Variants in ATG14 observed in about 807,000 individuals in gnomAD.
The protein encoded by ATG14 is autophagy related 14.
In ATG14, 35 loss-of-function variants were observed where a neutral mutation model predicts 60.4. The observed-to-expected ratio is 0.58, with a 90% CI of 0.44 to 0.77. ATG14 has a LOEUF of 0.77. ATG14 is among the 30% of genes least tolerant of loss of function. The pLI is 0.00. For synonymous variants in ATG14, 234 were observed against 228.8 expected (o/e 1.02, Z -0.21); for missense variants, 647 against 626.3 (o/e 1.03, Z -0.35).
At chr14:55,404,657 A>C (rs1885460994) in intron 1 of ATG14, among the ~76,000 whole-genome samples, 1 of 152,210 alleles carries the variant, frequency 6.6e-6, no homozygotes, top group African/African-American at 2.4e-5. Flanking sequence ...GGCAGGGTGT[A>C]CAGGTGGGGG....
At chr14:55,397,311 A>T in intron 2 of ATG14, 61 bp downstream of exon 2, 1 of 1,402,156 alleles carries the variant, frequency 7.1e-7, no homozygotes, top group Non-Finnish European at 1.0e-6. Context: ...CACAGCACTG[A>T]ATTCAACCAA....
intron 4 of ATG14, among the ~76,000 whole-genome samples, chr14:55,387,467 C>T (rs926525462): frequency 6.6e-6 from 1 of 152,136 alleles, no homozygotes; most frequent in Non-Finnish European, 1.5e-5. Flanking sequence ...TTTTGCTCTT[C>T]GGAACCCTAT....
chr14:55,393,852 GAT>G (rs1885266197), intron 3 of ATG14, among the ~76,000 whole-genome samples: 1 of 151,512 alleles, frequency 6.6e-6, no homozygotes, highest in Admixed American at 6.6e-5. Flanking sequence ...ACCCAGCGCA[GAT>G]TTTATAAGAG....
chr14:55,372,295 TCC>T (rs1884837332), intron 9 of ATG14, among the ~76,000 whole-genome samples: 1 of 137,630 alleles, frequency 7.3e-6, no homozygotes, highest in African/African-American at 2.5e-5. Flanking sequence ...ACCACCACTT[TCC>T]CATCTGCCTC....
At chr14:55,370,896 C>G (rs1884801494) in intron 9 of ATG14, among the ~76,000 whole-genome samples, 1 of 152,178 alleles carries the variant, frequency 6.6e-6, no homozygotes. Flanking sequence ...CCACCCCTGC[C>G]TCTCAAAACG....
chr14:55,369,153 A>G lies in ATG14; in HGVS notation c.*466T>C, dbSNP rs554586111. The G allele has an allele frequency of 1.3e-5, 2 of 152,944 alleles. No homozygotes were observed. Among genetic ancestry groups the G allele is most frequent in the East Asian group, 3.9e-4 (2 of 5,174 alleles). 9.5% of individuals were successfully genotyped at this position (152,944 alleles called of 1,614,324 possible). ...TCATACAAAAAACAATGGCAGAAAA[A>G]CTCTTATTAAAGAGCTTTTATCTTT... On this transcript the variant is annotated 3_prime_UTR_variant, in exon 10 of 10. Coordinates refer to ENST00000247178, the MANE Select transcript of ATG14 (RefSeq NM_014924.5).
chr14:55,391,626 A>G (rs1384044926), intron 3 of ATG14, among the ~76,000 whole-genome samples: 2 of 152,168 alleles, frequency 1.3e-5, no homozygotes, highest in Non-Finnish European at 2.9e-5. Flanking sequence ...TTAAAACTCA[A>G]TTTAAATCAT....
intron 9 of ATG14, among the ~76,000 whole-genome samples, chr14:55,370,998 C>A (rs1884804415): frequency 6.6e-6 from 1 of 152,114 alleles, no homozygotes; most frequent in Non-Finnish European, 1.5e-5. Context: ...TGCTCCAGGG[C>A]AGCCAGGCTG....
chr14:55,398,048 C>T (rs752296161), intron 1 of ATG14, among the ~76,000 whole-genome samples: 1 of 150,262 alleles, frequency 6.7e-6, no homozygotes, highest in Non-Finnish European at 1.5e-5. Flanking sequence ...CCTGGGCTCA[C>T]GCCATTCTCC....
chr14:55,372,810 C>A (rs939042520), intron 9 of ATG14, among the ~76,000 whole-genome samples: 14 of 152,114 alleles, frequency 9.2e-5, no homozygotes. Flanking sequence ...AGGAGACAGG[C>A]AGAAGGGACA....
chr14:55,375,490 A>AAAT (rs1555341540), intron 9 of ATG14, among the ~76,000 whole-genome samples: 1 of 117,798 alleles, frequency 8.5e-6, no homozygotes, highest in Non-Finnish European at 1.7e-5. Flanking sequence ...GCCGGGCTAA[A>AAAT]TTTTTTTTTT....
intron 1 of ATG14, among the ~76,000 whole-genome samples, chr14:55,400,909 T>TAAATA (rs201067140): frequency 0.066 from 9,414 of 143,280 alleles, 432 homozygotes; most frequent in East Asian, 0.14. Context: ...CTCAAATAAA[T>TAAATA]AAATAAAATA....
At position 55,411,552 on chromosome 14, in the gene ATG14, C is replaced by G. The variant is rs1885572196; in HGVS notation, c.221+50G>C. Reference sequence around the variant, plus strand: ...CAGGTTCCAGCCTTCGGCTGCCTGGCTGGAGGACACACAGCAGAAGAAACA... The same window carrying G: ...CAGGTTCCAGCCTTCGGCTGCCTGGGTGGAGGACACACAGCAGAAGAAACA... On this transcript the variant is annotated intron_variant, in intron 1 of 9. Coordinates refer to ENST00000247178, the MANE Select transcript of ATG14 (RefSeq NM_014924.5). 4 of 1,542,128 alleles carry G rather than the reference C, an allele frequency of 2.6e-6. No individual in the cohort carries two copies. In the African/African-American group the frequency reaches 5.5e-5, roughly 21 times the overall value.
rs78028458 is a variant in ATG14, at chr14:55,389,483, A to G, written c.409+1428T>C. ...AACTCCACGTGAGCACTTTATTAGGACAAATGTTTTCAATGGAAGCTTTAC... is the reference window on the plus strand; with the variant it reads ...AACTCCACGTGAGCACTTTATTAGGGCAAATGTTTTCAATGGAAGCTTTAC... On this transcript the variant is annotated intron_variant, in intron 4 of 9. Coordinates refer to ENST00000247178, the MANE Select transcript of ATG14 (RefSeq NM_014924.5). Among the ~76,000 whole-genome samples, 1,482 of 152,330 alleles carry G rather than the reference A, an allele frequency of 9.7e-3. 30 individuals are homozygous for G. The highest frequency in any genetic ancestry group is 0.034 in the African/African-American group (1,424 of 41,576).
chr14:55,386,103 T>C lies in ATG14; in HGVS notation c.410-7A>G. 6.2e-7 allele frequency: 1 copy of C among 1,600,838 alleles called. No individual in the cohort carries two copies. Among genetic ancestry groups the C allele is most frequent in the Non-Finnish European group, 8.5e-7 (1 of 1,173,166 alleles). On this transcript the variant is annotated splice_polypyrimidine_tract_variant and splice_region_variant and intron_variant, in intron 4 of 9. Coordinates refer to ENST00000247178, the MANE Select transcript of ATG14 (RefSeq NM_014924.5). ...TTGAGAAGGCCTTCAGAATCTAAAA[T>C]AAATAAATCACACCCAACAATTATC...
At position 55,402,970 on chromosome 14, in the gene ATG14, A is replaced by AT. The variant is rs1566585833; in HGVS notation, c.222-5537_222-5536insA. Among the ~76,000 whole-genome samples, 95 of 69,460 alleles carry AT rather than the reference A, an allele frequency of 1.4e-3. 4 individuals carry two copies. The highest frequency in any genetic ancestry group is 2.5e-3 in the Non-Finnish European group (84 of 33,794). The allele number at this position is 69,460 out of a possible 152,430, so 45.6% of individuals were successfully genotyped here. On this transcript the variant is annotated intron_variant, in intron 1 of 9. Transcript: ENST00000247178. ...ATATATATATATATATATATATATA[A>AT]ATAGCTGGGCATAGTGGTGCATGGC...
chr14:55,380,226 C>T (rs1177540242), intron 7 of ATG14, among the ~76,000 whole-genome samples: 5 of 151,636 alleles, frequency 3.3e-5, no homozygotes, highest in Non-Finnish European at 5.9e-5. Flanking sequence ...CTGGCCTGGG[C>T]GACAGAGCGA....
chr14:55,397,864 A>G (rs1885337108), intron 1 of ATG14, among the ~76,000 whole-genome samples: 1 of 151,590 alleles, frequency 6.6e-6, no homozygotes. Flanking sequence ...TTTTTCACTA[A>G]TTTTATTGCT....
At chr14:55,371,014 C>T (rs1036993821) in intron 9 of ATG14, among the ~76,000 whole-genome samples, 3 of 152,156 alleles carry the variant, frequency 2.0e-5, no homozygotes, top group Admixed American at 1.3e-4. Context: ...GGCTGCATGT[C>T]CTCCCTGTAG....
Sources: gnomAD v4.1 joint callset for allele counts (sites outside exome capture counted in the v4.1 genomes callset) on GRCh38, gnomAD v4.1.1 for gene constraint, MANE v1.5 for transcripts, NCBI Gene and HGNC (gene_info 2026-07-23, HGNC 2026-07-21) for gene names.